The following NVL variants were observed in gnomAD, a reference collection of about 807,000 sequenced individuals.
The protein encoded by NVL is nuclear valosin-containing protein-like.
A neutral mutation model predicts 110.2 loss-of-function variants in NVL; 84 were observed. The observed-to-expected ratio is 0.76, with a 90% CI of 0.64 to 0.91. NVL has a LOEUF of 0.91. Among genes scored for constraint, NVL ranks in the 40% least tolerant of loss-of-function variants. The probability of loss-of-function intolerance (pLI) is 0.00; values close to 1 mark genes in which losing one functional copy is unlikely to be tolerated. For synonymous variants in NVL, 354 were observed against 361.1 expected (o/e 0.98, Z 0.22); for missense variants, 882 against 1,035.9 (o/e 0.85, Z 2.04).
In NVL at chr1:224,296,487, T is replaced by C. The variant is rs1417480015; in HGVS notation, c.1180+14A>G. 1.5e-6 allele frequency: 2 copies of C among 1,315,690 alleles called. No homozygotes were observed. Among genetic ancestry groups the C allele is most frequent in the African/African-American group, 3.0e-5 (2 of 66,948 alleles). The allele number at this position is 1,315,690 out of a possible 1,614,324, so 81.5% of individuals were successfully genotyped here. ...ATTTATTCTCTTAAAATGAATTTAT[T>C]ATTTTAAACTAACCATCCATGCAGG... On this transcript the variant is annotated intron_variant, in intron 11 of 22. Coordinates refer to ENST00000281701, the MANE Select transcript of NVL (RefSeq NM_002533.4).
At chr1:224,294,556 A>T in intron 11 of NVL, 145 bp from the exon 12 acceptor site, 1 of 742,728 alleles carries the variant, frequency 1.3e-6, no homozygotes, top group Non-Finnish European at 2.2e-6. Context: ...TTAAATGTCA[A>T]ATATGTAAAA....
In NVL at chr1:224,286,055, G is replaced by A; in HGVS notation, c.1870C>T (p.Pro624Ser). Residue 624 changes from proline (P) to serine (S), a missense_variant, in exon 15 of 23, where the codon CCT becomes TCT. Physicochemically the swap from Pro to Ser is moderately conservative, Grantham distance 74. This residue lies in a region of NVL where 416 missense variants were observed against 499.3 expected (regional missense o/e 0.83). Transcript: ENST00000281701. ...GCCAGCAGAGTCTTCCCACAGCCAG[G>A]AGGACCAGCAAGGAGGACCCCAGCT... ...TPAGVLLAGP[P>S]GCGKTLLAKA... is the part of the protein sequence containing the mutation. 6.2e-7 allele frequency: 1 copy of A among 1,613,964 alleles called. No individual in the cohort carries two copies. The highest frequency in any genetic ancestry group is 8.5e-7 in the Non-Finnish European group (1 of 1,179,936).
At chr1:224,237,662 T>G (rs1009713051) in intron 19 of NVL, among the ~76,000 whole-genome samples, 12 of 150,822 alleles carry the variant, frequency 8.0e-5, no homozygotes, top group African/African-American at 2.7e-4. Flanking sequence ...CTTGACCTCC[T>G]CGGCACAAGA....
At chr1:224,315,994 A>C (rs1670020730) in intron 4 of NVL, among the ~76,000 whole-genome samples, 1 of 152,298 alleles carries the variant, frequency 6.6e-6, no homozygotes, top group South Asian at 2.1e-4. Flanking sequence ...CAGGGGTACA[A>C]GACCAGCCTG....
At chr1:224,256,436 A>AC (rs1663253799) in intron 18 of NVL, among the ~76,000 whole-genome samples, 1 of 149,370 alleles carries the variant, frequency 6.7e-6, no homozygotes, top group Non-Finnish European at 1.5e-5. Flanking sequence ...AAAAAAAAAA[A>AC]AAAAAAAAAA....
chr1:224,306,961 G>C (rs1668982680), intron 6 of NVL, among the ~76,000 whole-genome samples: 2 of 151,706 alleles, frequency 1.3e-5, no homozygotes, highest in African/African-American at 2.4e-5. Context: ...AAATAAAAAG[G>C]GGAAAGGTTC....
At chr1:224,291,959 G>A (rs113705193) in intron 12 of NVL, among the ~76,000 whole-genome samples, 6 of 152,206 alleles carry the variant, frequency 3.9e-5, no homozygotes, top group South Asian at 2.1e-4. Context: ...CTGCAGCCAC[G>A]TGAGACCGCA....
Position 224,308,167 on chromosome 1 carries a change from T to C in NVL, c.439A>G (p.Thr147Ala). The change falls in exon 6 of 23, where the codon ACC becomes GCC. Residue 147 changes from threonine (T) to alanine (A), a missense_variant. Transcript: ENST00000281701. ...GAACTTATCCGTGGTGTTGAAGAGG[T>C]GGTTTCTCTTTGCTCCATCTCAGGA... ...NTPEMEQRET[T>A]SSTPRISSKT... 1 of 1,614,040 alleles carries C rather than the reference T, an allele frequency of 6.2e-7. No homozygotes were observed.
rs942118942 is a variant in NVL, at chr1:224,295,682, T to TAA, written c.1180+817_1180+818dup. ...CTGGGCAACATAGTGAGACCGTCTT[T>TAA]AAAAAAAAAAAACACCCAGGCACAG... On this transcript the variant is annotated intron_variant, in intron 11 of 22. Transcript: ENST00000281701. 1.1e-4 allele frequency among the ~76,000 whole-genome samples: 15 copies of TAA among 139,308 alleles called. No homozygotes were observed. In the South Asian group the frequency reaches 1.1e-3, roughly 11 times the overall value. The allele number at this position is 139,308 out of a possible 152,430, so 91.4% of individuals were successfully genotyped here. A position where few individuals can be genotyped will look rare whatever the true frequency, so the allele number is the denominator to read the frequency against.
intron 18 of NVL, among the ~76,000 whole-genome samples, chr1:224,262,559 C>A (rs1406453572): frequency 6.6e-6 from 1 of 152,118 alleles, no homozygotes; most frequent in East Asian, 1.9e-4. Context: ...GGAGAACAGT[C>A]AAGGAAGTCC....
intron 20 of NVL, 55 bp downstream of exon 20, chr1:224,236,451 T>C (rs932540645): frequency 7.6e-7 from 1 of 1,322,210 alleles, no homozygotes; most frequent in Non-Finnish European, 1.1e-6. Context: ...CCTCATTTTA[T>C]AGATGAGGAA....
In NVL at chr1:224,245,584, AC is replaced by A. The variant is rs150012596; in HGVS notation, c.2289+4627del. ...TGCACTCTCAAGTCAAAGAGAATAA[AC>A]TAACAAAAGCCCTTCTGCCGTTGGC... On this transcript the variant is annotated intron_variant, in intron 19 of 22. Transcript: ENST00000281701. 6.8e-3 allele frequency among the ~76,000 whole-genome samples: 1,041 copies of A among 152,254 alleles called. 11 individuals carry two copies. Among genetic ancestry groups the A allele is most frequent in the African/African-American group, 0.023 (965 of 41,562 alleles).
chr1:224,330,122 C>A lies in NVL; in HGVS notation c.6G>T (p.Lys2Asn). 1.2e-6 allele frequency: 2 copies of A among 1,614,064 alleles called. No homozygotes were observed. Among genetic ancestry groups the A allele is most frequent in the Non-Finnish European group, 1.7e-6 (2 of 1,179,940 alleles). Residue 2 changes from lysine (K) to asparagine (N), a missense_variant, in exon 1 of 23, where the codon AAG (lysine) becomes AAT (asparagine). This residue lies in a region of NVL where 274 missense variants were observed against 268.4 expected (regional missense o/e 1.02). Coordinates refer to ENST00000281701, the MANE Select transcript of NVL (RefSeq NM_002533.4). M[K>N]PRPAGFVDNK... Reference sequence around the variant, plus strand: ...TATCCACGAACCCTGCAGGTCTGGGCTTCATCGCGTCGGTCTTCCAAGCCA... The same window carrying A: ...TATCCACGAACCCTGCAGGTCTGGGATTCATCGCGTCGGTCTTCCAAGCCA...
intron 1 of NVL, among the ~76,000 whole-genome samples, chr1:224,328,942 G>A (rs1572093392): frequency 6.6e-6 from 1 of 151,990 alleles, no homozygotes; most frequent in Non-Finnish European, 1.5e-5. Context: ...GCAGCAGCTT[G>A]CACCGGTAAT....
chr1:224,241,958 G>T (rs1329641876), intron 19 of NVL, among the ~76,000 whole-genome samples: 1 of 152,054 alleles, frequency 6.6e-6, no homozygotes, highest in Non-Finnish European at 1.5e-5. Flanking sequence ...CTTGAACCTG[G>T]GAGGCAGAGG....
intron 10 of NVL, 56 bp downstream of exon 10, chr1:224,300,506 C>A (rs932612492): frequency 4.9e-5 from 62 of 1,257,484 alleles, no homozygotes; most frequent in Non-Finnish European, 6.5e-5. Flanking sequence ...AAAGCAGGAT[C>A]TTTAATATAA....
At chr1:224,278,722 T>C (rs1361431106) in intron 16 of NVL, among the ~76,000 whole-genome samples, 1 of 152,028 alleles carries the variant, frequency 6.6e-6, no homozygotes, top group Non-Finnish European at 1.5e-5. Context: ...TTTATAAAAA[T>C]AGTTAGCAAT....
chr1:224,302,808 G>A (rs776978339), intron 9 of NVL: 5 of 185,068 alleles, frequency 2.7e-5, no homozygotes, highest in Non-Finnish European at 5.8e-5. Context: ...CCAGCACTTT[G>A]GAAGACTGAG....
In NVL at chr1:224,251,843, G is replaced by A. The variant is rs181124398; in HGVS notation, c.2183-1525C>T. ...TTCCATCAAGCATTCCTCTGATTAC[G>A]TCAACCCTCAGTAAAGGCAAAATGT... On this transcript the variant is annotated intron_variant, in intron 18 of 22. Transcript: ENST00000281701. Among the ~76,000 whole-genome samples, 11 of 151,972 alleles carry A rather than the reference G, an allele frequency of 7.2e-5. No individual in the cohort carries two copies. In the East Asian group the frequency reaches 9.7e-4, roughly 13 times the overall value.
Sources: gnomAD v4.1 joint callset for allele counts (sites outside exome capture counted in the v4.1 genomes callset) on GRCh38, gnomAD v4.1.1 for gene constraint, gnomAD v4.1.1 regional missense constraint, MANE v1.5 for transcripts, NCBI Gene and HGNC (gene_info 2026-07-23, HGNC 2026-07-21) for gene names.